The following NPSR1 variants were observed in gnomAD, a reference collection of about 807,000 sequenced individuals.
NPSR1 encodes neuropeptide S receptor.
Under a neutral mutation model 46.9 loss-of-function variants are expected in NPSR1, and 48 were observed. The observed-to-expected ratio is 1.02, with a 90% CI of 0.81 to 1.30. NPSR1 has a LOEUF of 1.30. Among genes scored for constraint, NPSR1 ranks in the 50% most tolerant of loss-of-function variants. The pLI is 0.00. For synonymous variants in NPSR1, 176 were observed against 168.1 expected, an observed-to-expected ratio of 1.05 and a Z score of -0.36; for missense variants, 450 against 449.5, an observed-to-expected ratio of 1.00 and a Z score of -0.01.
chr7:34,722,481 G>A (rs1006641759), intron 2 of NPSR1, among the ~76,000 whole-genome samples: 1 of 152,166 alleles, frequency 6.6e-6, no homozygotes, highest in East Asian at 1.9e-4. Flanking sequence ...TGCTTATTAT[G>A]TTCTGTTTTA....
chr7:34,746,798 A>T (rs1471709674), intron 2 of NPSR1, among the ~76,000 whole-genome samples: 1 of 151,998 alleles, frequency 6.6e-6, no homozygotes. Context: ...AAGAGTGAGG[A>T]GTATGCAGGG....
intron 3 of NPSR1, among the ~76,000 whole-genome samples, chr7:34,810,998 G>A (rs1788955668): frequency 6.6e-6 from 1 of 152,290 alleles, no homozygotes; most frequent in South Asian, 2.1e-4. Context: ...AGAAGGGTAG[G>A]TGCAGGAGCC....
chr7:34,834,788 A>G (rs1312040317), intron 6 of NPSR1, among the ~76,000 whole-genome samples: 1 of 152,256 alleles, frequency 6.6e-6, no homozygotes, highest in African/African-American at 2.4e-5. Flanking sequence ...ATAAGAAAAG[A>G]CAGACTGTCC....
intron 8 of NPSR1, among the ~76,000 whole-genome samples, chr7:34,865,995 C>A (rs867202036): frequency 1.3e-5 from 2 of 151,804 alleles, no homozygotes; most frequent in Non-Finnish European, 1.5e-5. Context: ...TCCTTCCCTG[C>A]CTTTATTTGA....
At chr7:34,772,404 G>A (rs1786726752) in intron 2 of NPSR1, among the ~76,000 whole-genome samples, 1 of 152,166 alleles carries the variant, frequency 6.6e-6, no homozygotes. Context: ...ACCCAGCCAA[G>A]TGCATACTCT....
At chr7:34,837,448 A>G (rs1297218856) in intron 6 of NPSR1, among the ~76,000 whole-genome samples, 1 of 152,362 alleles carries the variant, frequency 6.6e-6, no homozygotes, top group East Asian at 1.9e-4. Flanking sequence ...TGCCACTGCT[A>G]GGTCCTTTCC....
intron 2 of NPSR1, among the ~76,000 whole-genome samples, chr7:34,768,723 A>G (rs1786540462): frequency 6.6e-6 from 1 of 152,226 alleles, no homozygotes; most frequent in Non-Finnish European, 1.5e-5. Context: ...CACTGGAATT[A>G]CCATTTAGAT....
chr7:34,738,153 C>A (rs148317524), intron 2 of NPSR1, among the ~76,000 whole-genome samples: 1 of 152,288 alleles, frequency 6.6e-6, no homozygotes, highest in East Asian at 1.9e-4. Flanking sequence ...ATCAAAGCAT[C>A]TTGAACAAGA....
intron 2 of NPSR1, among the ~76,000 whole-genome samples, chr7:34,734,439 G>A (rs192680970): frequency 5.9e-5 from 9 of 152,150 alleles, no homozygotes; most frequent in Admixed American, 4.6e-4. Flanking sequence ...TTCCAGATAT[G>A]TGTCTTGAAC....
chr7:34,811,570 G>T (rs995954923), intron 3 of NPSR1, among the ~76,000 whole-genome samples, 200 bp from the exon 4 acceptor site: 2 of 152,132 alleles, frequency 1.3e-5, no homozygotes, highest in African/African-American at 4.8e-5. Context: ...TGGGGTCTTT[G>T]CTGGGAAACT....
chr7:34,816,102 A>G (rs947794501), intron 4 of NPSR1, among the ~76,000 whole-genome samples: 1 of 151,808 alleles, frequency 6.6e-6, no homozygotes, highest in Admixed American at 6.6e-5. Flanking sequence ...AAATGCTCCA[A>G]TTAAAAGACA....
chr7:34,677,197 A>G (rs2023530), intron 1 of NPSR1, among the ~76,000 whole-genome samples: 46,322 of 152,096 alleles, frequency 0.3, 8,506 homozygotes, highest in African/African-American at 0.53. Context: ...ATTGTACTCT[A>G]CAAAGATGAA....
chr7:34,873,705 A>G (rs7811879), intron 8 of NPSR1, among the ~76,000 whole-genome samples: 2,762 of 151,748 alleles, frequency 0.018, 169 homozygotes, highest in African/African-American at 0.063. Flanking sequence ...CTACCAGGCC[A>G]CCACCTCCAA....
At chr7:34,720,713 T>A (rs1410324647) in intron 2 of NPSR1, among the ~76,000 whole-genome samples, 1 of 152,058 alleles carries the variant, frequency 6.6e-6, no homozygotes, top group Non-Finnish European at 1.5e-5. Context: ...AGAGACCCCA[T>A]CAGAAACTTG....
Position 34,779,595 on chromosome 7 carries a change from A to G in NPSR1, c.384+1030A>G, listed in dbSNP as rs570206233. The G allele has an allele frequency of 5.8e-4, 741 of 1,284,108 alleles. 1 individual carries two copies. Among genetic ancestry groups the G allele is most frequent in the Non-Finnish European group, 6.7e-4 (668 of 992,162 alleles). 79.5% of individuals were successfully genotyped at this position (1,284,108 alleles called of 1,614,324 possible). On this transcript the variant is annotated intron_variant, in intron 3 of 8. Transcript: ENST00000360581. ...CAGAAAATGAATATGGAATAGTTAC[A>G]ATCTTCTTTTGTGCTCTGAATATAA...
At chr7:34,724,164 T>C (rs1485293650) in intron 2 of NPSR1, among the ~76,000 whole-genome samples, 4 of 152,240 alleles carry the variant, frequency 2.6e-5, no homozygotes, top group Non-Finnish European at 2.9e-5. Context: ...TGACTTTCTT[T>C]TTATTATCTC....
At chr7:34,775,639 C>CA (rs1786920031) in intron 2 of NPSR1, among the ~76,000 whole-genome samples, 2 of 152,024 alleles carry the variant, frequency 1.3e-5, no homozygotes, top group Non-Finnish European at 2.9e-5. Context: ...ATTAGTCTGG[C>CA]TAAAGGTTTG....
At chr7:34,796,037 A>C (rs1194884361) in intron 3 of NPSR1, among the ~76,000 whole-genome samples, 1 of 152,202 alleles carries the variant, frequency 6.6e-6, no homozygotes, top group Non-Finnish European at 1.5e-5. Context: ...ACAGTGTGCT[A>C]TTAGTGAAAG....
chr7:34,772,953 G>A (rs1277274314), intron 2 of NPSR1, among the ~76,000 whole-genome samples: 1 of 152,082 alleles, frequency 6.6e-6, no homozygotes, highest in Non-Finnish European at 1.5e-5. Flanking sequence ...AAAGTGCCCT[G>A]GTGGCAGCCA....
Sources: gnomAD v4.1 joint callset for allele counts (sites outside exome capture counted in the v4.1 genomes callset) on GRCh38, gnomAD v4.1.1 for gene constraint, MANE v1.5 for transcripts, NCBI Gene and HGNC (gene_info 2026-07-23, HGNC 2026-07-21) for gene names.